The following KAZN variants were observed in gnomAD, a reference collection of about 807,000 sequenced individuals.
KAZN encodes kazrin.
KAZN carries 40 observed loss-of-function variants against 87.4 expected under a neutral mutation model. That is an observed-to-expected ratio of 0.46 (90% confidence interval 0.36 to 0.60). The LOEUF (loss-of-function observed/expected upper bound fraction) is 0.60. Ranked by LOEUF, KAZN falls within the 20% of genes least tolerant of loss-of-function variation. The pLI is 0.00. For missense variants in KAZN, 898 were observed against 1,073.9 expected (o/e 0.84, Z 2.29); for synonymous variants, 466 against 458.3 (o/e 1.02, Z -0.22).
At chr1:14,415,411 A>G (rs1315695646) in intron 2 of KAZN, among the ~76,000 whole-genome samples, 1 of 152,166 alleles carries the variant, frequency 6.6e-6, no homozygotes, top group Non-Finnish European at 1.5e-5. Context: ...CAGATGTAAC[A>G]GGTATGATAG....
At chr1:14,681,632 T>C (rs1557885678) in intron 1 of KAZN, among the ~76,000 whole-genome samples, 3 of 12,380 alleles carry the variant, frequency 2.4e-4, no homozygotes, top group African/African-American at 8.9e-4. Flanking sequence ...TATATATATA[T>C]ATATATATAT....
chr1:15,026,582 G>A (rs748258531), intron 2 of KAZN, among the ~76,000 whole-genome samples: 18 of 152,060 alleles, frequency 1.2e-4, no homozygotes, highest in African/African-American at 3.1e-4. Context: ...TGAGGTTCTC[G>A]TCTCCCAAAA....
At chr1:15,047,678 G>A (rs1673719138) in intron 4 of KAZN, among the ~76,000 whole-genome samples, 1 of 152,166 alleles carries the variant, frequency 6.6e-6, no homozygotes, top group African/African-American at 2.4e-5. Flanking sequence ...GGCTGAGGCA[G>A]GACAATCGCT....
intron 1 of KAZN, among the ~76,000 whole-genome samples, chr1:14,702,785 G>A (rs960902630): frequency 1.3e-5 from 2 of 152,150 alleles, no homozygotes; most frequent in East Asian, 1.9e-4. Flanking sequence ...AGTGTTTAAC[G>A]TGTGCCTTTG....
At chr1:14,988,282 G>C (rs12568025) in intron 2 of KAZN, among the ~76,000 whole-genome samples, 52,026 of 152,180 alleles carry the variant, frequency 0.34, 10,137 homozygotes, top group African/African-American at 0.52. Flanking sequence ...TCCTCCTCCC[G>C]GGGCTTCCTC....
intron 2 of KAZN, among the ~76,000 whole-genome samples, chr1:15,011,636 G>T (rs538104728): frequency 6.6e-6 from 1 of 152,196 alleles, no homozygotes; most frequent in Admixed American, 6.5e-5. Context: ...GTGCTAGCAG[G>T]GTGCCAAGTC....
At chr1:14,763,063 C>T (rs1329782178) in intron 1 of KAZN, among the ~76,000 whole-genome samples, 5 of 152,142 alleles carry the variant, frequency 3.3e-5, no homozygotes, top group Admixed American at 2.0e-4. Context: ...GTTTTGACAC[C>T]GAATCTTGGT....
At chr1:14,677,120 C>A (rs1640272393) in intron 1 of KAZN, among the ~76,000 whole-genome samples, 1 of 152,030 alleles carries the variant, frequency 6.6e-6, no homozygotes, top group Non-Finnish European at 1.5e-5. Context: ...GCAGTGCATA[C>A]CTCTCTTTGT....
chr1:14,096,999 G>A (rs1384460552), intron 1 of KAZN, among the ~76,000 whole-genome samples: 1 of 152,228 alleles, frequency 6.6e-6, no homozygotes, highest in Admixed American at 6.5e-5. Context: ...AGGAATCTGT[G>A]CCTTTACTGA....
At chr1:14,223,874 T>C (rs1048629031) in intron 2 of KAZN, among the ~76,000 whole-genome samples, 2 of 152,152 alleles carry the variant, frequency 1.3e-5, no homozygotes, top group African/African-American at 2.4e-5. Context: ...GACAAAGCAG[T>C]TGGGAGTCCA....
In KAZN at chr1:13,995,485, A is replaced by G. The variant is rs1294367772; in HGVS notation, c.91+101729A>G. On this transcript the variant is annotated intron_variant, in intron 1 of 16. Transcript: ENST00000636203. ...TGACTACTTGGGAACAGATCTAACA[A>G]GAGTTTTTTTCTGAAAACTGAAACA... is the stretch of plus-strand genomic sequence containing the variant. 2.0e-5 allele frequency among the ~76,000 whole-genome samples: 3 copies of G among 152,384 alleles called. No individual in the cohort carries two copies. In the East Asian group the frequency reaches 5.8e-4, roughly 29 times the overall value.
Position 14,323,266 on chromosome 1 carries a change from A to G in KAZN, c.249+142674A>G, listed in dbSNP as rs1035278565. Among the ~76,000 whole-genome samples, 9 of 145,330 alleles carry G rather than the reference A, an allele frequency of 6.2e-5. No homozygotes were observed. The East Asian group carries it at 1.7e-3, about 28-fold the overall frequency. ...ACTTCTGCTTGCACTTTGCATGGCC[A>G]ATCAAGCCACGTGGCCATGCCTGGT... On this transcript the variant is annotated intron_variant, in intron 2 of 16. Coordinates refer to the KAZN transcript ENST00000636203.
At chr1:14,158,646 C>G (rs1645646568) in intron 1 of KAZN, among the ~76,000 whole-genome samples, 1 of 152,124 alleles carries the variant, frequency 6.6e-6, no homozygotes. Context: ...TTCCTGGATG[C>G]TGTTGTTGCT....
At chr1:14,651,759 A>T (rs1377576177) in intron 1 of KAZN, among the ~76,000 whole-genome samples, 1 of 152,224 alleles carries the variant, frequency 6.6e-6, no homozygotes, top group Non-Finnish European at 1.5e-5. Context: ...TTAGAAGAAA[A>T]GACAAAGCAT....
intron 2 of KAZN, among the ~76,000 whole-genome samples, chr1:14,385,370 G>A (rs1007119234): frequency 1.3e-5 from 2 of 152,008 alleles, no homozygotes; most frequent in Non-Finnish European, 2.9e-5. Context: ...GAATATGTTT[G>A]CTCTTGCTTT....
At chr1:14,850,381 A>T (rs1200841800) in intron 1 of KAZN, among the ~76,000 whole-genome samples, 1 of 152,220 alleles carries the variant, frequency 6.6e-6, no homozygotes, top group Non-Finnish European at 1.5e-5. Flanking sequence ...GAGGTTGGTC[A>T]TCTGTGACAT....
intron 1 of KAZN, among the ~76,000 whole-genome samples, chr1:14,779,128 G>C (rs1645260344): frequency 6.6e-6 from 1 of 152,176 alleles, no homozygotes; most frequent in Admixed American, 6.5e-5. Flanking sequence ...CCGCGAGACA[G>C]GGCCCACCCA....
intron 1 of KAZN, among the ~76,000 whole-genome samples, chr1:14,607,931 A>G (rs1488014468): frequency 6.6e-6 from 1 of 152,200 alleles, no homozygotes; most frequent in Admixed American, 6.5e-5. Context: ...CTCAACAAAC[A>G]TTTCCTCAAT....
intron 2 of KAZN, among the ~76,000 whole-genome samples, chr1:14,398,367 C>A (rs1663077950): frequency 6.6e-6 from 1 of 152,212 alleles, no homozygotes; most frequent in Admixed American, 6.5e-5. Flanking sequence ...CAAGGCACCT[C>A]AATTTCCTTA....
Sources: allele counts gnomAD v4.1 joint callset (sites outside exome capture counted in the v4.1 genomes callset), GRCh38; gene constraint gnomAD v4.1.1; transcripts MANE v1.5; gene names NCBI Gene and HGNC (gene_info 2026-07-23, HGNC 2026-07-21).